CBR4: variants seen among roughly 807,000 people sequenced by gnomAD.
CBR4 encodes the protein 3-oxoacyl-[acyl-carrier-protein] reductase.
In CBR4, 22 loss-of-function variants were observed where a neutral mutation model predicts 21.0. That is an observed-to-expected ratio of 1.05 (90% CI 0.75 to 1.50). CBR4 has a LOEUF of 1.50. Ranked by LOEUF, CBR4 falls within the 40% of genes most tolerant of loss-of-function variation. The probability of loss-of-function intolerance (pLI) is 0.00; values close to 1 mark genes in which losing one functional copy is unlikely to be tolerated. For missense variants in CBR4, 302 were observed against 286.3 expected, an observed-to-expected ratio of 1.05 and a Z score of -0.40; for synonymous variants, 100 against 104.4, an observed-to-expected ratio of 0.96 and a Z score of 0.26.
At chr4:168,923,114 G>C (rs1458149117) in intron 2 of CBR4, among the ~76,000 whole-genome samples, 1 of 152,210 alleles carries the variant, frequency 6.6e-6, no homozygotes, top group Non-Finnish European at 1.5e-5. Context: ...TATTCTTACT[G>C]ATGAGTTGCT....
Position 169,003,861 on chromosome 4 carries a change from C to T in CBR4, c.401-1656G>A, listed in dbSNP as rs1373013801. 2.0e-5 allele frequency among the ~76,000 whole-genome samples: 3 copies of T among 152,028 alleles called. No individual in the cohort carries two copies. In the East Asian group the frequency reaches 5.8e-4, roughly 29 times the overall value. ...ATCGCAAGGACAAAAAACCAAACACCGCATGTTCTCACTCATAGGTGGGAA... is the reference window on the plus strand; with the variant it reads ...ATCGCAAGGACAAAAAACCAAACACTGCATGTTCTCACTCATAGGTGGGAA... On this transcript the variant is annotated intron_variant, in intron 3 of 4. Transcript: ENST00000306193.
chr4:168,942,818 C>G (rs56793220), intron 2 of CBR4, among the ~76,000 whole-genome samples: 1 of 151,886 alleles, frequency 6.6e-6, no homozygotes, highest in African/African-American at 2.4e-5. Flanking sequence ...GGGATCTGAA[C>G]GGATATTTCA....
intron 4 of CBR4, among the ~76,000 whole-genome samples, chr4:168,995,167 A>C (rs940342166): frequency 6.6e-6 from 1 of 152,190 alleles, no homozygotes; most frequent in African/African-American, 2.4e-5. Flanking sequence ...GTTCCCTTAA[A>C]AGGGCCCTCA....
chr4:168,971,896 T>C (rs1764222113), intron 2 of CBR4, among the ~76,000 whole-genome samples: 1 of 152,218 alleles, frequency 6.6e-6, no homozygotes, highest in African/African-American at 2.4e-5. Flanking sequence ...TCCAGTGTTA[T>C]CTTCTAGAAC....
At chr4:168,971,809 ATTTATC>A (rs1341294909) in intron 2 of CBR4, among the ~76,000 whole-genome samples, 1 of 151,932 alleles carries the variant, frequency 6.6e-6, no homozygotes, top group African/African-American at 2.4e-5. Context: ...AATCCCATCT[ATTTATC>A]TTTGTTTTTG....
At chr4:168,985,346 T>C (rs570652584), downstream of CBR4, among the ~76,000 whole-genome samples, 3 of 152,190 alleles carry the variant, frequency 2.0e-5, no homozygotes, top group East Asian at 5.8e-4. Context: ...TGAGATACCA[T>C]CTCACGCCAC....
intron 2 of CBR4, chr4:168,913,908 T>C (rs751559303): frequency 9.2e-6 from 14 of 1,519,486 alleles, no homozygotes; most frequent in Non-Finnish European, 1.3e-5. Context: ...AAATCATTTA[T>C]TTCCTGATAT....
intron 4 of CBR4, among the ~76,000 whole-genome samples, chr4:168,995,468 G>T (rs1212843767): frequency 6.6e-6 from 1 of 152,162 alleles, no homozygotes; most frequent in Non-Finnish European, 1.5e-5. Context: ...CCTAAGCAGT[G>T]AGACACTTTC....
intron 4 of CBR4, among the ~76,000 whole-genome samples, chr4:168,994,700 T>G (rs1049244226): frequency 2.7e-5 from 4 of 148,270 alleles, no homozygotes; most frequent in African/African-American, 1.0e-4. Context: ...TGCCTCAGCC[T>G]CCCCAGCAGC....
downstream of CBR4, among the ~76,000 whole-genome samples, chr4:168,982,943 C>T (rs1764584494): frequency 2.0e-5 from 3 of 152,226 alleles, no homozygotes; most frequent in East Asian, 5.8e-4. Flanking sequence ...GTTCACAGCA[C>T]TAAATGCCCA....
At chr4:168,922,087 A>ATATATATTTATATT (rs1761638123) in intron 2 of CBR4, among the ~76,000 whole-genome samples, 1 of 105,062 alleles carries the variant, frequency 9.5e-6, no homozygotes, top group African/African-American at 5.2e-5. Flanking sequence ...TTTTATATTT[A>ATATATATTTATATT]TATATATATA....
chr4:168,954,186 C>T (rs1401419676), intron 2 of CBR4, among the ~76,000 whole-genome samples: 1 of 152,144 alleles, frequency 6.6e-6, no homozygotes, highest in African/African-American at 2.4e-5. Context: ...CAAATACACA[C>T]ACACACAAAT....
chr4:168,973,331 A>ATC (rs2126762840), intron 2 of CBR4, among the ~76,000 whole-genome samples: 1 of 152,248 alleles, frequency 6.6e-6, no homozygotes, highest in East Asian at 1.9e-4. Context: ...CTTTTGGAAT[A>ATC]GTTTCAGTAG....
chr4:168,966,356 C>CAAAAAAAAAAAAAAAAAA (rs1215042926), intron 2 of CBR4, among the ~76,000 whole-genome samples: 1 of 75,182 alleles, frequency 1.3e-5, no homozygotes, highest in Non-Finnish European at 2.4e-5. Flanking sequence ...ACTAAAAATA[C>CAAAAAAAAAAAAAAAAAA]AAAAAAAAAA....
At chr4:168,999,279 C>G (rs113766413) in intron 4 of CBR4, among the ~76,000 whole-genome samples, 149 of 152,180 alleles carry the variant, frequency 9.8e-4, no homozygotes, top group African/African-American at 3.4e-3. Context: ...ACCAGGAAAA[C>G]TGACATAAAA....
intron 1 of CBR4, 142 bp downstream of exon 1, chr4:169,009,806 T>G: frequency 1.3e-6 from 1 of 751,036 alleles, no homozygotes; most frequent in Non-Finnish European, 2.1e-6. Context: ...ATTCTACCCT[T>G]GGAACGGGAG....
intron 2 of CBR4, among the ~76,000 whole-genome samples, chr4:168,979,042 C>A (rs554602767): frequency 1.6e-4 from 25 of 152,196 alleles, no homozygotes; most frequent in African/African-American, 6.0e-4. Context: ...CTATCTTGAG[C>A]CTCCAGCACA....
At chr4:168,919,353 G>A (rs1016667570) in intron 2 of CBR4, among the ~76,000 whole-genome samples, 8 of 152,006 alleles carry the variant, frequency 5.3e-5, no homozygotes, top group East Asian at 3.9e-4. Flanking sequence ...GTGAAACCCC[G>A]TCTCTACTAA....
chr4:168,951,438 A>G (rs1451280076), intron 2 of CBR4, among the ~76,000 whole-genome samples: 1 of 152,204 alleles, frequency 6.6e-6, no homozygotes, highest in African/African-American at 2.4e-5. Flanking sequence ...TCCATTCATC[A>G]TGCTATTTGT....
Sources: gnomAD v4.1 joint callset for allele counts (sites outside exome capture counted in the v4.1 genomes callset) on GRCh38, gnomAD v4.1.1 for gene constraint, MANE v1.5 for transcripts, NCBI Gene and HGNC (gene_info 2026-07-23, HGNC 2026-07-21) for gene names.